MAML3: variants seen among roughly 807,000 people sequenced by gnomAD.
MAML3 encodes mastermind like transcriptional coactivator 3.
In MAML3, 27 loss-of-function variants were observed where a neutral mutation model predicts 101.9. The ratio of observed to expected loss-of-function variants is 0.27; its 90% CI spans 0.20 to 0.37. The LOEUF (loss-of-function observed/expected upper bound fraction) is 0.37, where lower values mean the gene tolerates loss of function less well. MAML3 is among the 10% of genes least tolerant of loss of function. MAML3 has a pLI of 1.00. For missense variants in MAML3, 1,316 were observed against 1,444.9 expected, an observed-to-expected ratio of 0.91 and a Z score of 1.45; for synonymous variants, 501 against 555.9, an observed-to-expected ratio of 0.90 and a Z score of 1.39.
chr4:139,891,229 G>A (rs1382590881), intron 1 of MAML3, among the ~76,000 whole-genome samples: 1 of 152,168 alleles, frequency 6.6e-6, no homozygotes, highest in African/African-American at 2.4e-5. Flanking sequence ...AAAAGAGATA[G>A]TTAATAAGGG....
At chr4:139,998,196 T>A (rs1386047127) in intron 1 of MAML3, among the ~76,000 whole-genome samples, 1 of 152,188 alleles carries the variant, frequency 6.6e-6, no homozygotes, top group East Asian at 1.9e-4. Context: ...AATCCTTTAC[T>A]CCTTTGTTCT....
intron 2 of MAML3, among the ~76,000 whole-genome samples, chr4:139,886,906 C>T (rs1180827688): frequency 2.6e-5 from 4 of 152,020 alleles, no homozygotes; most frequent in African/African-American, 9.7e-5. Flanking sequence ...ACAAATGTTC[C>T]AAATAAGTAA....
At chr4:139,771,200 T>C (rs1464083744) in intron 2 of MAML3, among the ~76,000 whole-genome samples, 1 of 152,132 alleles carries the variant, frequency 6.6e-6, no homozygotes, top group Non-Finnish European at 1.5e-5. Flanking sequence ...TTTAAAGAGG[T>C]TGTATTTTGG....
chr4:140,106,677 T>C (rs1256488083), intron 1 of MAML3, among the ~76,000 whole-genome samples: 1 of 152,270 alleles, frequency 6.6e-6, no homozygotes, highest in Admixed American at 6.5e-5. Context: ...ATGGCTTTAA[T>C]GTTTACCTTT....
At chr4:139,904,175 G>A (rs983347920) in intron 1 of MAML3, among the ~76,000 whole-genome samples, 3 of 152,160 alleles carry the variant, frequency 2.0e-5, no homozygotes, top group African/African-American at 7.2e-5. Flanking sequence ...CTTGACTTTG[G>A]ACTTCTAGCC....
intron 1 of MAML3, among the ~76,000 whole-genome samples, chr4:140,076,890 GGTT>G (rs1023617356): frequency 7.8e-4 from 119 of 151,932 alleles, no homozygotes; most frequent in African/African-American, 2.3e-3. Context: ...TTTTTGTTGT[GGTT>G]GTTGCTGTTG....
intron 2 of MAML3, among the ~76,000 whole-genome samples, chr4:139,741,881 ATT>A (rs67048216): frequency 6.6e-6 from 1 of 151,746 alleles, no homozygotes; most frequent in Non-Finnish European, 1.5e-5. Flanking sequence ...AAAACATTGC[ATT>A]TTTAAAACGC....
At chr4:139,976,450 A>G (rs1452175515) in intron 1 of MAML3, among the ~76,000 whole-genome samples, 1 of 152,192 alleles carries the variant, frequency 6.6e-6, no homozygotes, top group Non-Finnish European at 1.5e-5. Flanking sequence ...AGAAAGTACT[A>G]TTTATGTCAG....
intron 1 of MAML3, among the ~76,000 whole-genome samples, chr4:140,123,120 T>C (rs113899796): frequency 2.0e-5 from 3 of 151,558 alleles, no homozygotes; most frequent in African/African-American, 7.3e-5. Flanking sequence ...CTCTGTAGCT[T>C]TTTAAAGATA....
intron 1 of MAML3, among the ~76,000 whole-genome samples, chr4:140,116,191 T>C (rs1728514477): frequency 6.6e-6 from 1 of 152,230 alleles, no homozygotes; most frequent in African/African-American, 2.4e-5. Flanking sequence ...CTCCTTCATA[T>C]AAGGCAAAAA....
intron 1 of MAML3, among the ~76,000 whole-genome samples, chr4:140,060,108 G>A (rs988941476): frequency 1.6e-4 from 25 of 152,226 alleles, no homozygotes; most frequent in East Asian, 1.2e-3. Context: ...GCTCACGCCT[G>A]TAATCCCAGC....
intron 2 of MAML3, among the ~76,000 whole-genome samples, chr4:139,736,743 G>A (rs1325472673): frequency 2.6e-5 from 4 of 152,116 alleles, no homozygotes; most frequent in Non-Finnish European, 2.9e-5. Flanking sequence ...TCCCCTCTAG[G>A]CCTCCTGAAT....
intron 1 of MAML3, among the ~76,000 whole-genome samples, chr4:140,029,690 G>T (rs1726878128): frequency 6.6e-6 from 1 of 152,062 alleles, no homozygotes; most frequent in Admixed American, 6.6e-5. Flanking sequence ...CTTCTAAAAA[G>T]ACTGAAACAA....
intron 1 of MAML3, among the ~76,000 whole-genome samples, chr4:139,954,411 T>C (rs1280868306): frequency 6.6e-6 from 1 of 152,238 alleles, no homozygotes; most frequent in Non-Finnish European, 1.5e-5. Flanking sequence ...CATGTCTGTG[T>C]TTCCGTGGAA....
chr4:139,962,238 T>A (rs1043352087), intron 1 of MAML3, among the ~76,000 whole-genome samples: 2 of 152,184 alleles, frequency 1.3e-5, no homozygotes. Context: ...ATCATATCAG[T>A]GGGCCTTTCT....
chr4:140,088,756 C>T (rs577280545), intron 1 of MAML3, among the ~76,000 whole-genome samples: 2 of 152,180 alleles, frequency 1.3e-5, no homozygotes, highest in Non-Finnish European at 2.9e-5. Flanking sequence ...GTGTGCTTAT[C>T]ATAGTGCTTA....
chr4:140,024,787 C>T (rs906191183), intron 1 of MAML3, among the ~76,000 whole-genome samples: 15 of 152,192 alleles, frequency 9.9e-5, no homozygotes, highest in Non-Finnish European at 1.9e-4. Context: ...GCCTGACTTA[C>T]ACTATGAAAA....
intron 2 of MAML3, among the ~76,000 whole-genome samples, chr4:139,739,638 A>T (rs972327578): frequency 1.3e-5 from 2 of 150,556 alleles, no homozygotes; most frequent in Non-Finnish European, 3.0e-5. Flanking sequence ...CATAGGAAAA[A>T]GCTTACCATA....
intron 1 of MAML3, among the ~76,000 whole-genome samples, chr4:140,061,048 G>A (rs1727439720): frequency 6.6e-6 from 1 of 152,200 alleles, no homozygotes; most frequent in African/African-American, 2.4e-5. Flanking sequence ...TATACAGTCA[G>A]GAGTGACAAA....
Sources: allele counts gnomAD v4.1 joint callset (sites outside exome capture counted in the v4.1 genomes callset), GRCh38; gene constraint gnomAD v4.1.1; transcripts MANE v1.5; gene names NCBI Gene and HGNC (gene_info 2026-07-23, HGNC 2026-07-21).